ANXA8: variants seen among roughly 807,000 people sequenced by gnomAD.
ANXA8 encodes annexin A8.
In ANXA8, 9 loss-of-function variants were observed where a neutral mutation model predicts 26.8. That is an observed-to-expected ratio of 0.34 (90% CI 0.20 to 0.59). The LOEUF is 0.59. Ranked by LOEUF, ANXA8 falls within the 20% of genes least tolerant of loss-of-function variation. The pLI is 0.84. For missense variants in ANXA8, 83 were observed against 238.5 expected (o/e 0.35, Z 4.29); for synonymous variants, 39 against 94.8 (o/e 0.41, Z 3.42).
the ANXA8 span, among the ~76,000 whole-genome samples, chr10:47,960,919 CTGTAGGAAGACCT>C: frequency 1.4e-5 from 2 of 139,746 alleles, no homozygotes; most frequent in Non-Finnish European, 1.5e-5. Flanking sequence ...CTGGGAACAC[CTGTAGGAAGACCT>C]TGGCAGGATC....
the ANXA8 span, among the ~76,000 whole-genome samples, chr10:47,495,970 G>T: frequency 6.6e-6 from 1 of 151,636 alleles, no homozygotes; most frequent in Non-Finnish European, 1.5e-5. Flanking sequence ...TGTGGGATCT[G>T]AGAGCACGCC....
At chr10:47,985,126 T>A in the ANXA8 span, among the ~76,000 whole-genome samples, 2 of 144,166 alleles carry the variant, frequency 1.4e-5, no homozygotes, top group Non-Finnish European at 3.0e-5. Context: ...AACTCAACAG[T>A]AAAAAAAAAA....
chr10:47,549,434 T>C, the ANXA8 span: 2 of 1,094,054 alleles, frequency 1.8e-6, no homozygotes, highest in South Asian at 2.5e-5. Context: ...CTGAAAAAAC[T>C]CTAACCATCA....
the ANXA8 span, among the ~76,000 whole-genome samples, chr10:47,683,584 T>C: frequency 1.3e-5 from 2 of 151,892 alleles, no homozygotes; most frequent in African/African-American, 4.8e-5. Context: ...TGATAGCAAA[T>C]TGAATTTGGT....
the ANXA8 span, among the ~76,000 whole-genome samples, chr10:47,675,369 T>G: frequency 1.3e-5 from 2 of 151,342 alleles, no homozygotes; most frequent in South Asian, 4.2e-4. Context: ...ACCCATTTAC[T>G]TAATCATTCT....
At chr10:47,589,213 T>TA in the ANXA8 span, 1 of 146,984 alleles carries the variant, frequency 6.8e-6, no homozygotes, top group Non-Finnish European at 1.5e-5. Flanking sequence ...AAAGCAAAGA[T>TA]ACAGCAGGTT....
At chr10:47,681,186 G>A in the ANXA8 span, among the ~76,000 whole-genome samples, 7 of 151,758 alleles carry the variant, frequency 4.6e-5, no homozygotes, top group South Asian at 2.1e-4. Context: ...CTGAATGAAC[G>A]TTAAAGATAG....
chr10:47,955,427 A>G, the ANXA8 span, among the ~76,000 whole-genome samples: 1 of 149,310 alleles, frequency 6.7e-6, no homozygotes, highest in Non-Finnish European at 1.5e-5. Flanking sequence ...CATAGAGTGT[A>G]CTTACACAAA....
At chr10:47,562,050 C>T in the ANXA8 span, among the ~76,000 whole-genome samples, 204 of 151,824 alleles carry the variant, frequency 1.3e-3, 3 homozygotes, top group African/African-American at 4.6e-3. Flanking sequence ...ATTTATTTCA[C>T]AATTTGAGAA....
At chr10:47,941,893 T>G in the ANXA8 span, among the ~76,000 whole-genome samples, 465 of 147,782 alleles carry the variant, frequency 3.1e-3, 64 homozygotes, top group African/African-American at 0.011. Flanking sequence ...TTGTAAGATT[T>G]CTGTACAAAA....
the ANXA8 span, among the ~76,000 whole-genome samples, chr10:47,979,150 T>C: frequency 1.3e-5 from 2 of 151,138 alleles, no homozygotes; most frequent in African/African-American, 2.4e-5. Context: ...ATATATGCAC[T>C]TAATAGCAGA....
the ANXA8 span, chr10:47,491,514 C>T: frequency 1.2e-6 from 1 of 865,372 alleles, no homozygotes; most frequent in Non-Finnish European, 1.7e-6. Flanking sequence ...CCCGCAGGTC[C>T]TCGCCTGCCT....
At chr10:47,585,729 G>A in the ANXA8 span, among the ~76,000 whole-genome samples, 5 of 102,028 alleles carry the variant, frequency 4.9e-5, no homozygotes, top group African/African-American at 1.3e-4. Context: ...TAAGGGATTC[G>A]GGTTGCTTGA....
the ANXA8 span, among the ~76,000 whole-genome samples, chr10:47,960,421 G>A: frequency 1.2e-4 from 18 of 146,912 alleles, no homozygotes; most frequent in Non-Finnish European, 2.4e-4. Context: ...TGCACAGCCT[G>A]CTTCAGCTAA....
At chr10:47,589,898 A>T in the ANXA8 span, among the ~76,000 whole-genome samples, 1 of 126,446 alleles carries the variant, frequency 7.9e-6, no homozygotes, top group Non-Finnish European at 1.5e-5. Flanking sequence ...GGAAAGATAG[A>T]TAGATGATAG....
the ANXA8 span, among the ~76,000 whole-genome samples, chr10:47,777,500 A>C: frequency 6.6e-6 from 1 of 152,116 alleles, no homozygotes; most frequent in African/African-American, 2.4e-5. Context: ...CCTTACATAC[A>C]TTGCCTGCCT....
the ANXA8 span, among the ~76,000 whole-genome samples, chr10:47,900,921 C>G: frequency 6.1e-5 from 4 of 65,932 alleles, no homozygotes; most frequent in East Asian, 7.7e-4. Flanking sequence ...GGAAAAGCTT[C>G]CTGGTTACAA....
At chr10:47,484,219 C>A, upstream of ANXA8, 1 of 723,576 alleles carries the variant, frequency 1.4e-6, no homozygotes, top group Non-Finnish European at 2.5e-6. Context: ...TGGGCTGTGG[C>A]TGTTACGCAT....
chr10:47,514,016 C>T, the ANXA8 span, among the ~76,000 whole-genome samples: 2 of 140,454 alleles, frequency 1.4e-5, no homozygotes, highest in Non-Finnish European at 3.1e-5. Flanking sequence ...GCAAATGCAA[C>T]AGAAACAAAT....
Sources: allele counts gnomAD v4.1 joint callset (sites outside exome capture counted in the v4.1 genomes callset), GRCh38; gene constraint gnomAD v4.1.1; transcripts MANE v1.5; gene names NCBI Gene and HGNC (gene_info 2026-07-23, HGNC 2026-07-21).